AKAP6: variants seen among roughly 807,000 people sequenced by gnomAD.
The protein encoded by AKAP6 is A-kinase anchoring protein 6, also known as A-kinase anchor protein 6.
A neutral mutation model predicts 188.5 loss-of-function variants in AKAP6; 58 were observed. The ratio of observed to expected loss-of-function variants is 0.31; its 90% CI spans 0.25 to 0.38. AKAP6 has a LOEUF of 0.38. Ranked by LOEUF, AKAP6 falls within the 10% of genes least tolerant of loss-of-function variation. The pLI is 1.00. For synonymous variants in AKAP6, 989 were observed against 998.6 expected (o/e 0.99, Z 0.18); for missense variants, 2,710 against 2,740.0 (o/e 0.99, Z 0.24).
intron 2 of AKAP6, chr14:32,438,927 G>T (rs1230595655): frequency 6.6e-6 from 1 of 152,206 alleles, no homozygotes; most frequent in Non-Finnish European, 1.5e-5. Flanking sequence ...AAACGTGATA[G>T]CAGGAAAGAG....
intron 7 of AKAP6, among the ~76,000 whole-genome samples, chr14:32,640,614 C>T (rs1887714382): frequency 6.6e-6 from 1 of 152,160 alleles, no homozygotes; most frequent in South Asian, 2.1e-4. Context: ...ACATGCCTCA[C>T]ATTGTAAATA....
At chr14:32,672,687 A>C (rs1412743012) in intron 7 of AKAP6, among the ~76,000 whole-genome samples, 1 of 152,002 alleles carries the variant, frequency 6.6e-6, no homozygotes, top group Admixed American at 6.6e-5. Context: ...GTGAGGGGAC[A>C]TAATTCAGTC....
At chr14:32,552,769 G>C (rs1425322033) in intron 4 of AKAP6, among the ~76,000 whole-genome samples, 2 of 152,194 alleles carry the variant, frequency 1.3e-5, no homozygotes, top group African/African-American at 4.8e-5. Flanking sequence ...GGCAGAAGTG[G>C]CAAGAGAGAT....
intron 2 of AKAP6, among the ~76,000 whole-genome samples, chr14:32,441,932 T>A (rs887054189): frequency 1.3e-5 from 2 of 152,192 alleles, no homozygotes; most frequent in Non-Finnish European, 2.9e-5. Flanking sequence ...AGAGAAGTGT[T>A]ATTGGGGTTT....
chr14:32,672,260 A>G (rs1311419970), intron 7 of AKAP6, among the ~76,000 whole-genome samples: 1 of 152,244 alleles, frequency 6.6e-6, no homozygotes. Flanking sequence ...GGGGGGAAAC[A>G]TGCTGTTATT....
At chr14:32,443,266 C>T (rs981263723) in intron 2 of AKAP6, among the ~76,000 whole-genome samples, 8 of 151,838 alleles carry the variant, frequency 5.3e-5, no homozygotes, top group South Asian at 2.1e-4. Context: ...TGGTGGTGGG[C>T]GCCTATAATC....
At chr14:32,649,666 A>G (rs1198853389) in intron 7 of AKAP6, among the ~76,000 whole-genome samples, 1 of 152,176 alleles carries the variant, frequency 6.6e-6, no homozygotes, top group East Asian at 1.9e-4. Flanking sequence ...TATAAGTTTT[A>G]GTCTGTAAAT....
intron 2 of AKAP6, among the ~76,000 whole-genome samples, chr14:32,444,473 A>G (rs1338342903): frequency 6.6e-6 from 1 of 152,210 alleles, no homozygotes; most frequent in African/African-American, 2.4e-5. Flanking sequence ...TTCTCTGTCC[A>G]CTTTAACAAT....
At chr14:32,674,857 A>C (rs555935178) in intron 7 of AKAP6, among the ~76,000 whole-genome samples, 2 of 152,296 alleles carry the variant, frequency 1.3e-5, no homozygotes, top group South Asian at 4.1e-4. Flanking sequence ...AATTGAGCCC[A>C]CAAACAACAA....
intron 1 of AKAP6, among the ~76,000 whole-genome samples, chr14:32,331,380 G>C (rs1310994223): frequency 6.6e-6 from 1 of 151,992 alleles, no homozygotes; most frequent in Non-Finnish European, 1.5e-5. Flanking sequence ...TTTGAGGGTG[G>C]GGAAGGGCGC....
At chr14:32,748,712 G>A (rs1396619691) in intron 11 of AKAP6, among the ~76,000 whole-genome samples, 1 of 152,106 alleles carries the variant, frequency 6.6e-6, no homozygotes, top group Non-Finnish European at 1.5e-5. Context: ...TACCTCCCAA[G>A]TTTGCCCTTT....
At position 32,824,214 on chromosome 14, in the gene AKAP6, G is replaced by T. The variant is rs758621975; in HGVS notation, c.6401G>T (p.Ser2134Ile). Residue 2134 changes from serine (S) to isoleucine (I), a missense_variant, in exon 13 of 14, where the codon AGC (serine) becomes ATC (isoleucine). Coordinates refer to ENST00000280979, the MANE Select transcript of AKAP6 (RefSeq NM_004274.5). ...ACCAATTACATAGAAGAGAAAAGCA[G>T]CACTCCATTGCCACTAGACACCACT... is the stretch of plus-strand genomic sequence containing the variant. ...EVTNYIEEKSSTPLPLDTTDS... is the reference protein window; with the variant it reads ...EVTNYIEEKSITPLPLDTTDS... 2 of 1,613,954 alleles carry T rather than the reference G, an allele frequency of 1.2e-6. No individual in the cohort carries two copies. Among genetic ancestry groups the T allele is most frequent in the Non-Finnish European group, 8.5e-7 (1 of 1,179,940 alleles).
intron 11 of AKAP6, among the ~76,000 whole-genome samples, chr14:32,748,650 A>G (rs903069123): frequency 6.6e-6 from 1 of 152,202 alleles, no homozygotes; most frequent in African/African-American, 2.4e-5. Flanking sequence ...AGATAAAACC[A>G]TAAGAGAACT....
intron 10 of AKAP6, 89 bp from the exon 11 acceptor site, chr14:32,735,569 A>G: frequency 9.9e-7 from 1 of 1,008,418 alleles, no homozygotes; most frequent in Admixed American, 2.9e-5. Flanking sequence ...TTGGTACCTA[A>G]GTTAATCTAT....
chr14:32,662,775 A>C (rs1888758002), intron 7 of AKAP6, among the ~76,000 whole-genome samples: 1 of 152,092 alleles, frequency 6.6e-6, no homozygotes, highest in African/African-American at 2.4e-5. Flanking sequence ...TTTCCGTCAG[A>C]TATTTGCTTA....
intron 7 of AKAP6, among the ~76,000 whole-genome samples, chr14:32,610,862 T>C (rs1886322406): frequency 6.6e-6 from 1 of 152,174 alleles, no homozygotes; most frequent in Non-Finnish European, 1.5e-5. Context: ...AGATAGATAC[T>C]GAAAAAGTTT....
At chr14:32,544,236 TC>T (rs945440401) in intron 3 of AKAP6, among the ~76,000 whole-genome samples, 49 of 152,174 alleles carry the variant, frequency 3.2e-4, no homozygotes, top group African/African-American at 1.1e-3. Flanking sequence ...TTTTCAGTTT[TC>T]TTTTTTCATT....
chr14:32,676,701 T>C (rs543555661), intron 7 of AKAP6, among the ~76,000 whole-genome samples: 4 of 152,348 alleles, frequency 2.6e-5, no homozygotes, highest in Admixed American at 2.0e-4. Context: ...ACTTCAATTA[T>C]ATAACTATAG....
At chr14:32,374,985 A>T (rs1888115595) in intron 1 of AKAP6, among the ~76,000 whole-genome samples, 1 of 152,242 alleles carries the variant, frequency 6.6e-6, no homozygotes, top group Admixed American at 6.5e-5. Flanking sequence ...TTTAAGAAAC[A>T]TCATAGTGTG....
Sources: gnomAD v4.1 joint callset for allele counts (sites outside exome capture counted in the v4.1 genomes callset) on GRCh38, gnomAD v4.1.1 for gene constraint, MANE v1.5 for transcripts, NCBI Gene and HGNC (gene_info 2026-07-23, HGNC 2026-07-21) for gene names.